DCC: variants seen among roughly 807,000 people sequenced by gnomAD.
DCC encodes the protein DCC netrin 1 receptor, also known as netrin receptor DCC.
A neutral mutation model predicts 172.5 loss-of-function variants in DCC; 58 were observed. The observed-to-expected ratio is 0.34, with a 90% CI of 0.27 to 0.42. The LOEUF is 0.42. DCC is among the 10% of genes least tolerant of loss of function. The pLI is 1.00. For missense variants in DCC, 1,740 were observed against 1,791.0 expected, an observed-to-expected ratio of 0.97 and a Z score of 0.51; for synonymous variants, 709 against 644.5, an observed-to-expected ratio of 1.10 and a Z score of -1.52.
At chr18:52,698,462 T>C (rs767123112) in intron 1 of DCC, among the ~76,000 whole-genome samples, 3 of 152,234 alleles carry the variant, frequency 2.0e-5, no homozygotes, top group Non-Finnish European at 2.9e-5. Context: ...TCTATTTTCC[T>C]TTTCTCATTT....
At chr18:53,429,326 A>G (rs1599142261) in intron 21 of DCC, among the ~76,000 whole-genome samples, 1 of 151,260 alleles carries the variant, frequency 6.6e-6, no homozygotes, top group Admixed American at 6.7e-5. Context: ...GCTAAGATGT[A>G]AACCAAGAGC....
chr18:52,395,463 AG>A (rs1986188450), intron 1 of DCC, among the ~76,000 whole-genome samples: 1 of 151,968 alleles, frequency 6.6e-6, no homozygotes, highest in Non-Finnish European at 1.5e-5. Context: ...AAGGATGAAG[AG>A]ACTTTTAAAC....
At chr18:52,379,444 C>A (rs1297419186) in intron 1 of DCC, among the ~76,000 whole-genome samples, 1 of 152,094 alleles carries the variant, frequency 6.6e-6, no homozygotes, top group Non-Finnish European at 1.5e-5. Flanking sequence ...TTGTAGAAAA[C>A]ACTTTTGACC....
intron 12 of DCC, among the ~76,000 whole-genome samples, chr18:53,215,923 A>G (rs1050730418): frequency 1.3e-5 from 2 of 152,332 alleles, no homozygotes; most frequent in Middle Eastern, 3.4e-3. Context: ...AGTCTATCAT[A>G]TAGCAATGAT....
chr18:52,471,524 A>C (rs563400674), intron 1 of DCC, among the ~76,000 whole-genome samples: 9 of 152,336 alleles, frequency 5.9e-5, no homozygotes, highest in African/African-American at 2.2e-4. Context: ...AATGTAAATG[A>C]AAACAACAAC....
intron 5 of DCC, among the ~76,000 whole-genome samples, chr18:52,980,748 G>T (rs1479756205): frequency 6.6e-6 from 1 of 151,670 alleles, no homozygotes; most frequent in Admixed American, 6.6e-5. Context: ...AGTGGTTAAA[G>T]TTCTCTTAAA....
chr18:53,255,877 G>A (rs1252374730), intron 12 of DCC, among the ~76,000 whole-genome samples: 1 of 152,070 alleles, frequency 6.6e-6, no homozygotes, highest in Non-Finnish European at 1.5e-5. Context: ...AGCACCTGTT[G>A]TTTCCTGACT....
rs1282848569 is a variant in DCC, at chr18:52,946,537, G to A, written c.985+21167G>A. On this transcript the variant is annotated intron_variant, in intron 5 of 28. Coordinates refer to ENST00000442544, the MANE Select transcript of DCC (RefSeq NM_005215.4). Reference sequence around the variant, plus strand: ...TCATCTGGGCTATGGGATTTAGATCGTAGATTGGGTTCAAGTCTGCCCTGT... The same window carrying A: ...TCATCTGGGCTATGGGATTTAGATCATAGATTGGGTTCAAGTCTGCCCTGT... 5.9e-5 allele frequency among the ~76,000 whole-genome samples: 9 copies of A among 152,188 alleles called. No homozygotes were observed. The East Asian group carries it at 9.7e-4, about 16-fold the overall frequency.
At chr18:52,510,501 G>C (rs2031398996) in intron 1 of DCC, among the ~76,000 whole-genome samples, 1 of 151,712 alleles carries the variant, frequency 6.6e-6, no homozygotes, top group Admixed American at 6.6e-5. Context: ...TTGCCCCTTA[G>C]AGCTTGATAC....
intron 5 of DCC, among the ~76,000 whole-genome samples, chr18:52,957,506 A>G (rs1049886226): frequency 6.6e-6 from 1 of 152,306 alleles, no homozygotes. Flanking sequence ...ACATCTGCTA[A>G]ATACCATCCA....
In DCC at chr18:53,467,944, C is replaced by T. The variant is rs947190361; in HGVS notation, c.3670C>T (p.Leu1224=). ...GSSMSTLERS[L]AARRAPRAKL... ...CTCTATGTCCACTCTGGAGAGGTCGCTGGCTGCACGCCGAGCCCCCCGGGC... is the reference window on the plus strand; with the variant it reads ...CTCTATGTCCACTCTGGAGAGGTCGTTGGCTGCACGCCGAGCCCCCCGGGC... Residue 1224 remains leucine (L), a synonymous_variant, in exon 25 of 29, where the codon CTG becomes TTG. Transcript: ENST00000442544. 1.9e-6 allele frequency: 3 copies of T among 1,613,402 alleles called. No homozygotes were observed. The highest frequency in any genetic ancestry group is 2.5e-6 in the Non-Finnish European group (3 of 1,179,410).
chr18:53,152,510 C>T (rs549123380), intron 7 of DCC, among the ~76,000 whole-genome samples: 5 of 151,996 alleles, frequency 3.3e-5, no homozygotes, highest in South Asian at 2.1e-4. Context: ...TTTGGCTTTT[C>T]GTTATCTATA....
At chr18:53,319,937 A>G (rs1344761644) in intron 13 of DCC, among the ~76,000 whole-genome samples, 3 of 152,228 alleles carry the variant, frequency 2.0e-5, no homozygotes, top group Non-Finnish European at 2.9e-5. Flanking sequence ...TGGGTGCTGT[A>G]GCCACCTAAG....
chr18:52,477,365 G>T (rs187222965), intron 1 of DCC, among the ~76,000 whole-genome samples: 23 of 152,234 alleles, frequency 1.5e-4, no homozygotes, highest in Admixed American at 1.4e-3. Context: ...TGAGTGGAGG[G>T]GAAGGTAGCA....
At chr18:53,324,601 G>T (rs1430526218) in intron 14 of DCC, among the ~76,000 whole-genome samples, 1 of 152,032 alleles carries the variant, frequency 6.6e-6, no homozygotes, top group Non-Finnish European at 1.5e-5. Context: ...TCAGACTAGA[G>T]CCCTTCAAGT....
rs79615356 is a variant in DCC, at chr18:53,383,231, A to C, written c.2360-2812A>C. Reference sequence around the variant, plus strand: ...TAGCAATTATTAATGCTTAATGCTTAGATCCATTCATTAATGGGGGCTGTA... The same window carrying C: ...TAGCAATTATTAATGCTTAATGCTTCGATCCATTCATTAATGGGGGCTGTA... On this transcript the variant is annotated intron_variant, in intron 15 of 28. Coordinates refer to ENST00000442544, the MANE Select transcript of DCC (RefSeq NM_005215.4). 1.2e-3 allele frequency among the ~76,000 whole-genome samples: 177 copies of C among 152,226 alleles called. 4 individuals are homozygous for C. The East Asian group carries it at 0.027, about 23-fold the overall frequency.
intron 2 of DCC, among the ~76,000 whole-genome samples, chr18:52,800,270 A>G (rs995973478): frequency 6.6e-5 from 10 of 151,948 alleles, no homozygotes; most frequent in African/African-American, 2.4e-4. Context: ...ATCAAATGCA[A>G]TATGACATTC....
In DCC at chr18:53,519,325, T is replaced by C. The variant is rs537472912; in HGVS notation, c.4112-7292T>C. ...GAGCACTCATTAAATACTTGGAATT[T>C]GTTGTATAGATCACACACAGTTTAC... On this transcript the variant is annotated intron_variant, in intron 27 of 28. Coordinates refer to ENST00000442544, the MANE Select transcript of DCC (RefSeq NM_005215.4). Among the ~76,000 whole-genome samples, 88 of 152,206 alleles carry C rather than the reference T, an allele frequency of 5.8e-4. 6 individuals carry two copies. The South Asian group carries it at 0.018, about 31-fold the overall frequency.
At chr18:52,387,610 CCTTCCTTCCTTCCTT>C (rs1453465706) in intron 1 of DCC, among the ~76,000 whole-genome samples, 2 of 150,820 alleles carry the variant, frequency 1.3e-5, no homozygotes, top group Non-Finnish European at 3.0e-5. Flanking sequence ...TTCCTTCCTT[CCTTCCTTCCTTCCTT>C]CCTTCCTTCT....
Sources: gnomAD v4.1 joint callset for allele counts (sites outside exome capture counted in the v4.1 genomes callset) on GRCh38, gnomAD v4.1.1 for gene constraint, MANE v1.5 for transcripts, NCBI Gene and HGNC (gene_info 2026-07-23, HGNC 2026-07-21) for gene names.